The following TCF12 variants were observed in gnomAD, a reference collection of about 807,000 sequenced individuals.
The protein encoded by TCF12 is DNA-binding protein HTF4.
A neutral mutation model predicts 86.0 loss-of-function variants in TCF12; 45 were observed. The observed-to-expected ratio is 0.52, with a 90% CI of 0.41 to 0.67. The LOEUF (loss-of-function observed/expected upper bound fraction) is 0.67, where lower values mean the gene tolerates loss of function less well. Among genes scored for constraint, TCF12 ranks in the 30% least tolerant of loss-of-function variants. The probability of loss-of-function intolerance (pLI) is 0.00; values close to 1 mark genes in which losing one functional copy is unlikely to be tolerated. For synonymous variants in TCF12, 330 were observed against 299.6 expected (o/e 1.10, Z -1.05); for missense variants, 881 against 859.9 (o/e 1.02, Z -0.31).
intron 3 of TCF12, among the ~76,000 whole-genome samples, chr15:56,989,080 G>A (rs2140948441): frequency 6.6e-6 from 1 of 152,130 alleles, no homozygotes; most frequent in South Asian, 2.1e-4. Context: ...ACTATTTATT[G>A]ACATTTTGAT....
intron 3 of TCF12, among the ~76,000 whole-genome samples, chr15:56,945,767 A>G (rs191879474): frequency 8.1e-4 from 123 of 152,324 alleles, no homozygotes; most frequent in African/African-American, 2.9e-3. Context: ...GTTAATAGGT[A>G]TTAATAGGTA....
At chr15:57,027,573 G>A (rs999060285) in intron 3 of TCF12, among the ~76,000 whole-genome samples, 14 of 152,018 alleles carry the variant, frequency 9.2e-5, no homozygotes, top group Non-Finnish European at 2.1e-4. Context: ...TACATACTGA[G>A]TAGAGGAATT....
At chr15:57,197,159 T>TTTTC (rs2151739907) in intron 7 of TCF12, among the ~76,000 whole-genome samples, 2 of 140,820 alleles carry the variant, frequency 1.4e-5, no homozygotes, top group East Asian at 4.1e-4. Flanking sequence ...CTTCTTTTTT[T>TTTTC]TTTTTTTTTT....
At chr15:56,920,886 C>G in intron 2 of TCF12, 140 bp from the exon 3 acceptor site, 1 of 568,708 alleles carries the variant, frequency 1.8e-6, no homozygotes. Context: ...ATTTGCCTCT[C>G]TGGATCTGAA....
At chr15:57,119,548 A>G (rs1168158464) in intron 5 of TCF12, among the ~76,000 whole-genome samples, 2 of 150,124 alleles carry the variant, frequency 1.3e-5, no homozygotes, top group Admixed American at 1.3e-4. Flanking sequence ...TAAACCAGCT[A>G]GTAAAATTGA....
intron 8 of TCF12, among the ~76,000 whole-genome samples, chr15:57,230,357 T>C (rs2059079541): frequency 6.6e-6 from 1 of 152,020 alleles, no homozygotes. Flanking sequence ...TTAGATATTA[T>C]TTGTTTTCCA....
chr15:57,085,384 G>A (rs1355470720), intron 4 of TCF12, among the ~76,000 whole-genome samples: 1 of 152,146 alleles, frequency 6.6e-6, no homozygotes, highest in African/African-American at 2.4e-5. Context: ...TTCCGATGTA[G>A]ACCTGATTCA....
chr15:57,110,996 G>A (rs2050450538), intron 5 of TCF12, among the ~76,000 whole-genome samples: 1 of 152,184 alleles, frequency 6.6e-6, no homozygotes, highest in Non-Finnish European at 1.5e-5. Context: ...CAGTTAATGA[G>A]GAACCATATT....
intron 3 of TCF12, among the ~76,000 whole-genome samples, chr15:56,983,931 G>A (rs564697418): frequency 2.5e-4 from 34 of 138,752 alleles, no homozygotes; most frequent in African/African-American, 8.8e-4. Flanking sequence ...GAGCCCAGGA[G>A]GTCAAGGCTG....
Position 57,057,455 on chromosome 15 carries a change from C to G in TCF12, c.149-6295C>G, listed in dbSNP as rs924858177. 2.0e-5 allele frequency among the ~76,000 whole-genome samples: 3 copies of G among 152,216 alleles called. No homozygotes were observed. In the East Asian group the frequency reaches 5.8e-4, roughly 29 times the overall value. ...CTGAAAGCTGATTAAAAGAGAAACT[C>G]ACCCATTCTGGTCTCTTCTTTCAAG... On this transcript the variant is annotated intron_variant, in intron 3 of 20. Coordinates refer to ENST00000333725, the MANE Select transcript of TCF12 (RefSeq NM_207037.2).
chr15:57,287,318 A>G lies in TCF12; in HGVS notation c.*1173A>G, dbSNP rs12438324. ...AATTACCTAATGGAATACAAGAGCA[A>G]TGGTCACCCGTATTTCCTTATCCTA... is the stretch of plus-strand genomic sequence containing the variant. On this transcript the variant is annotated 3_prime_UTR_variant, in exon 21 of 21. Transcript: ENST00000333725. 0.04 allele frequency: 6,147 copies of G among 152,750 alleles called. 368 individuals are homozygous for G. The highest frequency in any genetic ancestry group is 0.17 in the Admixed American group (2,553 of 15,274). The allele number at this position is 152,750 out of a possible 1,614,324, so 9.5% of individuals were successfully genotyped here. A position where few individuals can be genotyped will look rare whatever the true frequency, so the allele number is the denominator to read the frequency against.
chr15:57,195,334 T>C (rs1332703448), intron 7 of TCF12, among the ~76,000 whole-genome samples: 1 of 152,236 alleles, frequency 6.6e-6, no homozygotes, highest in Admixed American at 6.5e-5. Flanking sequence ...AAAATTTCTT[T>C]TCACATGGCA....
intron 3 of TCF12, among the ~76,000 whole-genome samples, chr15:56,937,401 G>A (rs1449749897): frequency 6.6e-6 from 1 of 151,508 alleles, no homozygotes; most frequent in African/African-American, 2.4e-5. Flanking sequence ...CTGTCTCCTC[G>A]GTTGGAGTGT....
chr15:56,920,922 C>T, intron 2 of TCF12, 104 bp from the exon 3 acceptor site: 1 of 771,702 alleles, frequency 1.3e-6, no homozygotes. Flanking sequence ...ATTTTAACTT[C>T]CCTCTGAAAT....
At chr15:57,247,940 T>C (rs1171340156) in intron 13 of TCF12, 6 of 754,876 alleles carry the variant, frequency 7.9e-6, no homozygotes, top group Non-Finnish European at 1.2e-5. Flanking sequence ...GTAAAAAGTT[T>C]TTGCAAAAGC....
At chr15:57,007,804 TTCTTTCTTTC>T (rs2064512420) in intron 3 of TCF12, among the ~76,000 whole-genome samples, 1 of 131,820 alleles carries the variant, frequency 7.6e-6, no homozygotes, top group Admixed American at 7.7e-5. Flanking sequence ...CTTTCTTTCT[TTCTTTCTTTC>T]TTTCTTTTTC....
intron 6 of TCF12, among the ~76,000 whole-genome samples, chr15:57,185,703 T>C (rs2056627936): frequency 6.6e-6 from 1 of 152,116 alleles, no homozygotes; most frequent in South Asian, 2.1e-4. Flanking sequence ...GGCAACATAG[T>C]GAGACCCCAT....
intron 7 of TCF12, among the ~76,000 whole-genome samples, chr15:57,196,207 C>T (rs1345719388): frequency 3.3e-5 from 5 of 151,764 alleles, no homozygotes; most frequent in Admixed American, 2.6e-4. Context: ...CTGTACTGAA[C>T]ATGCATAGAC....
chr15:57,108,723 T>C (rs1305152448), intron 5 of TCF12, among the ~76,000 whole-genome samples: 1 of 152,134 alleles, frequency 6.6e-6, no homozygotes, highest in Non-Finnish European at 1.5e-5. Context: ...GAGAAAAATG[T>C]CAGTGAGCTA....
Sources: allele counts gnomAD v4.1 joint callset (sites outside exome capture counted in the v4.1 genomes callset), GRCh38; gene constraint gnomAD v4.1.1; transcripts MANE v1.5; gene names NCBI Gene and HGNC (gene_info 2026-07-23, HGNC 2026-07-21).